Variants in ERBB4 observed in about 807,000 individuals in gnomAD.
ERBB4 encodes the protein receptor tyrosine-protein kinase erbB-4.
A neutral mutation model predicts 158.0 loss-of-function variants in ERBB4; 42 were observed. The ratio of observed to expected loss-of-function variants is 0.27; its 90% CI spans 0.21 to 0.34. The LOEUF is 0.34. ERBB4 is among the 10% of genes least tolerant of loss of function. ERBB4 has a pLI of 1.00. For missense variants in ERBB4, 1,333 were observed against 1,624.1 expected, an observed-to-expected ratio of 0.82 and a Z score of 3.08; for synonymous variants, 583 against 558.7, an observed-to-expected ratio of 1.04 and a Z score of -0.61.
intron 2 of ERBB4, among the ~76,000 whole-genome samples, chr2:211,981,508 T>A (rs2081795742): frequency 6.6e-6 from 1 of 152,182 alleles, no homozygotes; most frequent in South Asian, 2.1e-4. Flanking sequence ...TTGGAATCTG[T>A]CTCTGGCCTC....
chr2:212,136,117 T>G (rs1370354938), intron 1 of ERBB4, among the ~76,000 whole-genome samples: 2 of 152,210 alleles, frequency 1.3e-5, no homozygotes, highest in Non-Finnish European at 2.9e-5. Context: ...TCACTGTAAT[T>G]AAAGCGGCAG....
chr2:211,683,553 G>A (rs940937647), intron 12 of ERBB4, among the ~76,000 whole-genome samples: 2 of 152,026 alleles, frequency 1.3e-5, no homozygotes, highest in African/African-American at 4.8e-5. Context: ...CATAGTATGG[G>A]TTACTACAAT....
intron 3 of ERBB4, among the ~76,000 whole-genome samples, chr2:211,913,619 A>ATGTGTGTGTGTG (rs34762084): frequency 6.9e-4 from 91 of 132,814 alleles, no homozygotes; most frequent in African/African-American, 2.5e-3. Context: ...ATATATATAT[A>ATGTGTGTGTGTG]TGTGTGTGTG....
intron 1 of ERBB4, among the ~76,000 whole-genome samples, chr2:212,232,161 A>C (rs1184529492): frequency 2.6e-5 from 4 of 152,206 alleles, no homozygotes; most frequent in African/African-American, 4.8e-5. Flanking sequence ...ATAATACAAT[A>C]AATTAACATA....
intron 1 of ERBB4, among the ~76,000 whole-genome samples, chr2:212,222,329 A>T (rs2083316071): frequency 6.6e-6 from 1 of 151,524 alleles, no homozygotes. Context: ...TGCTTCCTTA[A>T]AAGCTCTCAT....
chr2:211,773,624 ATATAT>A (rs368885625), intron 4 of ERBB4, among the ~76,000 whole-genome samples: 5,042 of 73,892 alleles, frequency 0.068, 320 homozygotes, highest in South Asian at 0.094. Flanking sequence ...ATATATATAT[ATATAT>A]ATATATATAT....
chr2:212,285,132 T>C (rs1371731739), intron 1 of ERBB4, among the ~76,000 whole-genome samples: 4 of 152,192 alleles, frequency 2.6e-5, no homozygotes, highest in Non-Finnish European at 4.4e-5. Flanking sequence ...TCAATCAGAT[T>C]AGTGCCAGGT....
intron 19 of ERBB4, among the ~76,000 whole-genome samples, chr2:211,616,898 G>A (rs1458368425): frequency 6.6e-6 from 1 of 152,056 alleles, no homozygotes; most frequent in Non-Finnish European, 1.5e-5. Context: ...TTCTGAATCT[G>A]TTGGTTACCA....
intron 4 of ERBB4, among the ~76,000 whole-genome samples, chr2:211,784,766 T>C (rs976015837): frequency 2.6e-5 from 4 of 152,222 alleles, no homozygotes; most frequent in African/African-American, 9.6e-5. Context: ...ATTTTCTTTT[T>C]TATATTTTAA....
intron 19 of ERBB4, among the ~76,000 whole-genome samples, chr2:211,572,776 A>C (rs1160312297): frequency 6.6e-6 from 1 of 152,182 alleles, no homozygotes; most frequent in Non-Finnish European, 1.5e-5. Context: ...TTTGTATGCC[A>C]TGTGTTTCCT....
intron 2 of ERBB4, among the ~76,000 whole-genome samples, chr2:212,067,797 A>T (rs564908765): frequency 6.6e-6 from 1 of 152,108 alleles, no homozygotes; most frequent in East Asian, 1.9e-4. Context: ...TGACAGAATA[A>T]CACTGTCTTT....
chr2:211,777,923 T>G (rs1018720788), intron 4 of ERBB4: 2 of 152,228 alleles, frequency 1.3e-5, no homozygotes, highest in Non-Finnish European at 2.9e-5. Context: ...TGACACTTAA[T>G]TTCTGTAACA....
chr2:211,400,311 T>TC (rs2063008558), intron 25 of ERBB4, among the ~76,000 whole-genome samples: 1 of 151,904 alleles, frequency 6.6e-6, no homozygotes. Flanking sequence ...CAGGCTTTTT[T>TC]CTCCAGTGAC....
chr2:211,882,431 C>T (rs1467741145), intron 3 of ERBB4, among the ~76,000 whole-genome samples: 3 of 151,540 alleles, frequency 2.0e-5, no homozygotes, highest in African/African-American at 7.3e-5. Flanking sequence ...TTAAAAGTCC[C>T]CTCATATATA....
chr2:211,533,439 G>A (rs1024203349), intron 20 of ERBB4, among the ~76,000 whole-genome samples: 4 of 151,792 alleles, frequency 2.6e-5, no homozygotes, highest in African/African-American at 9.7e-5. Context: ...TTAAAGAAAT[G>A]GATATTCATA....
intron 1 of ERBB4, among the ~76,000 whole-genome samples, chr2:212,391,653 T>TTA (rs1280369920): frequency 2.8e-5 from 4 of 140,952 alleles, no homozygotes; most frequent in South Asian, 2.1e-4. Context: ...ATATTATATA[T>TTA]TATATTATGT....
At chr2:212,421,217 A>G (rs1039548581) in intron 1 of ERBB4, among the ~76,000 whole-genome samples, 1 of 152,134 alleles carries the variant, frequency 6.6e-6, no homozygotes, top group East Asian at 1.9e-4. Flanking sequence ...TGCCTTCCCT[A>G]TGCCTGGTTA....
chr2:211,420,430 T>TTA lies in ERBB4; in HGVS notation c.3135+9_3135+10dup, dbSNP rs1559149588. ...GAAAGAATATGATATGTGTATATAA[T>TTA]TATTTCTTACCCTATTCGAGTCAAT... On this transcript the variant is annotated intron_variant, in intron 25 of 27. Coordinates refer to ENST00000342788, the MANE Select transcript of ERBB4 (RefSeq NM_005235.3). 6.3e-7 allele frequency: 1 copy of TTA among 1,582,616 alleles called. No homozygotes were observed. Among genetic ancestry groups the TTA allele is most frequent in the Non-Finnish European group, 8.7e-7 (1 of 1,152,420 alleles).
At chr2:212,461,983 C>T (rs191877981) in intron 1 of ERBB4, among the ~76,000 whole-genome samples, 2 of 152,158 alleles carry the variant, frequency 1.3e-5, no homozygotes, top group Non-Finnish European at 2.9e-5. Context: ...TCCCTAGCCA[C>T]GTGGAACTGT....
Sources: gnomAD v4.1 joint callset for allele counts (sites outside exome capture counted in the v4.1 genomes callset) on GRCh38, gnomAD v4.1.1 for gene constraint, MANE v1.5 for transcripts, NCBI Gene and HGNC (gene_info 2026-07-23, HGNC 2026-07-21) for gene names.